Variants in TTYH3 observed in about 807,000 individuals in gnomAD.
TTYH3 encodes the protein tweety family member 3.
A neutral mutation model predicts 68.2 loss-of-function variants in TTYH3; 23 were observed. The observed-to-expected ratio is 0.34, with a 90% CI of 0.24 to 0.48. The LOEUF is 0.48. Among genes scored for constraint, TTYH3 ranks in the 20% least tolerant of loss-of-function variants. TTYH3 has a pLI of 0.99. For missense variants in TTYH3, 768 were observed against 727.7 expected, an observed-to-expected ratio of 1.06 and a Z score of -0.64; for synonymous variants, 360 against 332.8, an observed-to-expected ratio of 1.08 and a Z score of -0.89.
Position 2,658,349 on chromosome 7 carries a change from C to T in TTYH3, c.1314C>T (p.Leu438=), listed in dbSNP as rs1258729299. The T allele has an allele frequency of 1.9e-6, 3 of 1,609,494 alleles. No homozygotes were observed. The East Asian group carries it at 6.7e-5, about 36-fold the overall frequency. The change falls in exon 12 of 14, where the codon CTC becomes CTT. Residue 438 remains leucine, a synonymous_variant. Transcript: ENST00000258796. ...APGPRQAHDS[L]YRVHMPSLYS... ...GGCCGCGGCAGGCGCACGACAGCCT[C>T]TACCGCGTCCACATGCCCAGCCTGT... is the stretch of plus-strand genomic sequence containing the variant.
At position 2,645,653 on chromosome 7, in the gene TTYH3, T is replaced by C; in HGVS notation, c.124-1200T>C. On this transcript the variant is annotated intron_variant, in intron 1 of 13. Coordinates refer to ENST00000258796, the MANE Select transcript of TTYH3 (RefSeq NM_025250.3). The surrounding 1 kb of genome is among the most constrained non-coding windows in gnomAD (Gnocchi z 4.8). The stretch of plus-strand genomic sequence containing the variant: ...TAGCAGTGTGGGGCCAGCCCCACCA[T>C]CTCATCCAGCGTGGGGGCACGCCAT... 1 of 395,668 alleles carries C rather than the reference T, an allele frequency of 2.5e-6. No individual in the cohort carries two copies. Among genetic ancestry groups the C allele is most frequent in the Non-Finnish European group, 5.3e-6 (1 of 190,214 alleles). 24.5% of individuals were successfully genotyped at this position (395,668 alleles called of 1,614,324 possible).
At position 2,655,849 on chromosome 7, in the gene TTYH3, G is replaced by C. The variant is rs571859438; in HGVS notation, c.1021-243G>C. ...CACGTAGTGGCGACCACACTGGACA[G>C]GCGCTTCTGGGTCCTCATGTCCTTG... On this transcript the variant is annotated intron_variant, in intron 9 of 13. Transcript: ENST00000258796. 4.7e-4 allele frequency among the ~76,000 whole-genome samples: 71 copies of C among 152,224 alleles called. 1 individual carries two copies. Among genetic ancestry groups the C allele is most frequent in the Non-Finnish European group, 9.0e-4 (61 of 68,042 alleles).
At chr7:2,637,249 C>T (rs1003425229) in intron 1 of TTYH3, among the ~76,000 whole-genome samples, 6 of 152,282 alleles carry the variant, frequency 3.9e-5, no homozygotes, top group Admixed American at 2.0e-4. Flanking sequence ...CAGTGTCAGC[C>T]GCTCTGACCC....
At chr7:2,647,922 T>C in intron 4 of TTYH3, 37 bp from the exon 5 acceptor site, 1 of 1,598,482 alleles carries the variant, frequency 6.3e-7, no homozygotes. Context: ...AGGCCCCGGG[T>C]CCCTGTGCCC....
At chr7:2,657,722 G>T (rs1786377125) in intron 11 of TTYH3, among the ~76,000 whole-genome samples, 1 of 152,244 alleles carries the variant, frequency 6.6e-6, no homozygotes, top group Non-Finnish European at 1.5e-5. Context: ...TTGGCTGGTG[G>T]CCCCTGCGCA....
chr7:2,650,075 C>A, intron 7 of TTYH3, 87 bp downstream of exon 7: 2 of 1,402,992 alleles, frequency 1.4e-6, no homozygotes, highest in South Asian at 2.4e-5. Context: ...CCGAGACACC[C>A]CTGCCCTGTG....
Position 2,647,490 on chromosome 7 carries a change from G to A in TTYH3, c.478G>A (p.Gly160Arg), listed in dbSNP as rs545531185. 9.1e-6 allele frequency: 14 copies of A among 1,537,350 alleles called. No homozygotes were observed. The South Asian group carries it at 9.5e-5, about 10-fold the overall frequency. ...SLQTLERQLA[G>R]RPEPLRAVQR... ...GCAGACCCTGGAGCGGCAGCTGGCC[G>A]GGCGGCCCGAGCCCCTGCGAGCCGT... Residue 160 changes from glycine (G) to arginine (R), a missense_variant, in exon 4 of 14, where the codon GGG (glycine) becomes AGG (arginine). Physicochemically the swap from Gly to Arg is moderately radical, Grantham distance 125. Coordinates refer to ENST00000258796, the MANE Select transcript of TTYH3 (RefSeq NM_025250.3).
rs568428037 is a variant in TTYH3 at position 2,652,346 on chromosome 7, G to A, written c.927+104G>A. 273 of 1,014,368 alleles carry A rather than the reference G, an allele frequency of 2.7e-4. 4 individuals carry two copies. In the South Asian group the frequency reaches 3.6e-3, roughly 13 times the overall value. The allele number at this position is 1,014,368 out of a possible 1,614,324, so 62.8% of individuals were successfully genotyped here. ...TGGCGCCTGGCTCCTCAGCCTGCAG[G>A]ACTGGGGAACTGGGGGAGGGAGCTG... On this transcript the variant is annotated intron_variant, in intron 8 of 13. Transcript: ENST00000258796.
At chr7:2,640,320 G>A (rs545644195) in intron 1 of TTYH3, among the ~76,000 whole-genome samples, 54 of 152,336 alleles carry the variant, frequency 3.5e-4, no homozygotes, top group African/African-American at 6.3e-4. Flanking sequence ...GGCACAGAGC[G>A]GCGTGTGGGT....
Position 2,647,579 on chromosome 7 carries a change from G to T in TTYH3, c.567G>T (p.Arg189Ser). The change falls in exon 4 of 14, where the codon AGG (arginine) becomes AGT (serine). Residue 189 changes from arginine (R) to serine (S), a missense_variant. Coordinates refer to ENST00000258796, the MANE Select transcript of TTYH3 (RefSeq NM_025250.3). ...ACACGGCCGCCATCCCCTTTTGGAGGAACACGGCGGTGTCGCTGGAGGTGC... is the reference window on the plus strand; with the variant it reads ...ACACGGCCGCCATCCCCTTTTGGAGTAACACGGCGGTGTCGCTGGAGGTGC... ...LGYTAAIPFW[R>S]NTAVSLEVLA... 6.4e-7 allele frequency: 1 copy of T among 1,571,902 alleles called. No individual in the cohort carries two copies. Among genetic ancestry groups the T allele is most frequent in the Non-Finnish European group, 8.6e-7 (1 of 1,159,552 alleles).
chr7:2,637,631 C>G (rs555242510), intron 1 of TTYH3, among the ~76,000 whole-genome samples: 98 of 152,182 alleles, frequency 6.4e-4, no homozygotes, highest in Non-Finnish European at 1.2e-3. Flanking sequence ...AGAAGAGGAA[C>G]CGAATCTGCA....
In TTYH3 at chr7:2,632,268, A is replaced by G. The variant is rs749862817; in HGVS notation, c.113A>G (p.Asp38Gly). The G allele has an allele frequency of 6.3e-7, 1 of 1,581,924 alleles. No homozygotes were observed. The highest frequency in any genetic ancestry group is 1.3e-5 in the African/African-American group (1 of 74,224). The change falls in exon 1 of 14, where the codon GAC becomes GGC. Residue 38 changes from aspartate (D) to glycine (G), a missense_variant. Physicochemically the swap from Asp to Gly is moderately conservative, Grantham distance 94 (BLOSUM62 -1). Transcript: ENST00000258796. ...AGCCAGTTCCGGCCCGAGGACACCG[A>G]CTACCAGCAGGTGACATGGGCCTCT... is the stretch of plus-strand genomic sequence containing the variant. The part of the protein sequence containing the change: ...TSSQFRPEDT[D>G]YQQALLLLGA...
chr7:2,662,021 A>T lies in TTYH3; in HGVS notation c.*282A>T, dbSNP rs1364278373. The T allele has an allele frequency of 2.1e-4, 123 of 575,282 alleles. 2 individuals carry two copies. The Admixed American group carries it at 3.8e-3, about 18-fold the overall frequency. The allele number at this position is 575,282 out of a possible 1,614,324, so 35.6% of individuals were successfully genotyped here. A position where few individuals can be genotyped will look rare whatever the true frequency, so the allele number is the denominator to read the frequency against. On this transcript the variant is annotated 3_prime_UTR_variant, in exon 14 of 14. Coordinates refer to ENST00000258796, the MANE Select transcript of TTYH3 (RefSeq NM_025250.3). ...CTATCCCGGCACGCTCCCTCTGCAG[A>T]TGGTCGCCGCACCTACAAGCCCTGG... is the stretch of plus-strand genomic sequence containing the variant.
At chr7:2,637,437 G>C (rs1785709369) in intron 1 of TTYH3, among the ~76,000 whole-genome samples, 1 of 152,156 alleles carries the variant, frequency 6.6e-6, no homozygotes, top group Admixed American at 6.5e-5. Context: ...GCAGAAACGG[G>C]GGCCGGCCAG....
At chr7:2,639,999 GC>G (rs1482270349) in intron 1 of TTYH3, among the ~76,000 whole-genome samples, 1 of 88 alleles carries the variant, frequency 0.011, no homozygotes, top group Non-Finnish European at 0.031. Context: ...ACGCTGCCTG[GC>G]CTGCCAGCTC....
chr7:2,644,768 G>C (rs892365018), intron 1 of TTYH3, among the ~76,000 whole-genome samples: 6 of 152,214 alleles, frequency 3.9e-5, no homozygotes, highest in Admixed American at 2.0e-4. Flanking sequence ...GGGTGTGCCG[G>C]GCTGGTCAGC....
Position 2,652,529 on chromosome 7 carries a change from C to T in TTYH3, c.927+287C>T, listed in dbSNP as rs555661192. The stretch of plus-strand genomic sequence containing the variant: ...TTGGCCTTGGTGGGGGAAGGAGGAG[C>T]CCCAGGGATGCCTCTGTAGGGTAAC... On this transcript the variant is annotated intron_variant, in intron 8 of 13. Coordinates refer to ENST00000258796, the MANE Select transcript of TTYH3 (RefSeq NM_025250.3). 3.3e-5 allele frequency among the ~76,000 whole-genome samples: 5 copies of T among 152,282 alleles called. No individual in the cohort carries two copies. In the South Asian group the frequency reaches 1.0e-3, roughly 32 times the overall value.
chr7:2,643,551 C>T (rs10274237), intron 1 of TTYH3, among the ~76,000 whole-genome samples: 4,325 of 152,296 alleles, frequency 0.028, 192 homozygotes, highest in African/African-American at 0.098. Context: ...CTCTCCCCAC[C>T]GGGCATGGGC....
At chr7:2,654,116 C>A (rs560786624) in intron 9 of TTYH3, among the ~76,000 whole-genome samples, 71 of 152,254 alleles carry the variant, frequency 4.7e-4, no homozygotes, top group African/African-American at 1.7e-3. Flanking sequence ...ACACACGGGG[C>A]CGGGCACGGC....
Sources: allele counts gnomAD v4.1 joint callset (sites outside exome capture counted in the v4.1 genomes callset), GRCh38; gene constraint gnomAD v4.1.1; non-coding constraint Gnocchi (gnomAD v3.1); transcripts MANE v1.5; gene names NCBI Gene and HGNC (gene_info 2026-07-23, HGNC 2026-07-21).